The following POLQ variants were observed in gnomAD, a reference collection of about 807,000 sequenced individuals.
POLQ encodes the protein epididymis secretory sperm binding protein.
In POLQ, 233 loss-of-function variants were observed where a neutral mutation model predicts 259.2. The ratio of observed to expected loss-of-function variants is 0.90; its 90% confidence interval spans 0.81 to 1.00. POLQ has a LOEUF of 1.00. POLQ is among the 50% of genes least tolerant of loss of function. The pLI, the probability that POLQ is intolerant of heterozygous loss-of-function variation, is 0.00. For synonymous variants in POLQ, 1,025 were observed against 1,048.8 expected, an observed-to-expected ratio of 0.98 and a Z score of 0.44; for missense variants, 2,871 against 3,051.6, an observed-to-expected ratio of 0.94 and a Z score of 1.39.
chr3:121,470,089 G>C (rs1560092097), intron 22 of POLQ, among the ~76,000 whole-genome samples: 2 of 152,062 alleles, frequency 1.3e-5, no homozygotes. Flanking sequence ...TGGATCACGA[G>C]GTCAAGAGAT....
At chr3:121,468,758 T>C (rs576029567) in intron 22 of POLQ, among the ~76,000 whole-genome samples, 18 of 152,274 alleles carry the variant, frequency 1.2e-4, no homozygotes, top group Middle Eastern at 3.4e-3. Flanking sequence ...ATGTTAGCGG[T>C]CATATTAATG....
intron 3 of POLQ, among the ~76,000 whole-genome samples, chr3:121,540,730 T>G (rs2048483668): frequency 6.6e-6 from 1 of 152,182 alleles, no homozygotes; most frequent in Admixed American, 6.6e-5. Flanking sequence ...TAAATGCTGA[T>G]TCTTAATGTG....
chr3:121,527,420 C>G (rs1399257414), intron 7 of POLQ, among the ~76,000 whole-genome samples: 4 of 152,138 alleles, frequency 2.6e-5, no homozygotes, highest in Non-Finnish European at 4.4e-5. Flanking sequence ...TGGTCTCGAA[C>G]TCCTGGACAC....
At chr3:121,457,016 G>T (rs1306665025) in intron 25 of POLQ, among the ~76,000 whole-genome samples, 4 of 152,268 alleles carry the variant, frequency 2.6e-5, no homozygotes, top group South Asian at 4.2e-4. Flanking sequence ...AAACAGCATG[G>T]TACTGGTACC....
At chr3:121,453,006 A>C (rs7645544) in intron 25 of POLQ, among the ~76,000 whole-genome samples, 95,949 of 151,992 alleles carry the variant, frequency 0.63, 30,665 homozygotes, top group East Asian at 0.89. Flanking sequence ...GGGCAGACTG[A>C]CACCTCACAC....
intron 21 of POLQ, 135 bp downstream of exon 21, chr3:121,473,215 C>G: frequency 1.2e-6 from 1 of 816,188 alleles, no homozygotes; most frequent in South Asian, 2.2e-5. Context: ...AAACCACAAA[C>G]CAATGTGTTA....
At chr3:121,528,930 C>T (rs7639071) in intron 7 of POLQ, among the ~76,000 whole-genome samples, 10 of 151,994 alleles carry the variant, frequency 6.6e-5, no homozygotes, top group South Asian at 2.1e-4. Context: ...CCAGCCTAAG[C>T]GACCGTGCGA....
intron 25 of POLQ, among the ~76,000 whole-genome samples, chr3:121,455,048 C>A (rs1216227460): frequency 6.6e-6 from 1 of 151,946 alleles, no homozygotes; most frequent in Non-Finnish European, 1.5e-5. Context: ...GACCACAGTG[C>A]AATCAAACTA....
chr3:121,488,699 G>A lies in POLQ; in HGVS notation c.4232C>T (p.Thr1411Ile). The change falls in exon 16 of 30, where the codon ACT becomes ATT. Residue 1411 changes from threonine to isoleucine, a missense_variant. Thr to Ile is a moderately conservative substitution (Grantham distance 89). Coordinates refer to ENST00000264233, the MANE Select transcript of POLQ (RefSeq NM_199420.4). ...AGAATGGAAAATCGGGCTTTCTGGAGTCAGGATATCAACCCCATGTGAATC... is the reference window on the plus strand; with the variant it reads ...AGAATGGAAAATCGGGCTTTCTGGAATCAGGATATCAACCCCATGTGAATC... ...SSDSHGVDIL[T>I]PESPIFHSPI... is the part of the protein sequence containing the mutation. 1 of 1,613,466 alleles carries A rather than the reference G, an allele frequency of 6.2e-7. No homozygotes were observed. Among genetic ancestry groups the A allele is most frequent in the African/African-American group, 1.3e-5 (1 of 75,020 alleles).
intron 16 of POLQ, among the ~76,000 whole-genome samples, chr3:121,485,437 G>T (rs1047516325): frequency 6.6e-6 from 1 of 152,258 alleles, no homozygotes; most frequent in Middle Eastern, 3.4e-3. Context: ...TCAAGAAAGG[G>T]AGGCTGCATT....
At chr3:121,473,727 CTTTTTTTTT>C (rs10636473) in intron 20 of POLQ, among the ~76,000 whole-genome samples, 2 of 114,256 alleles carry the variant, frequency 1.8e-5, no homozygotes, top group African/African-American at 6.5e-5. Flanking sequence ...AACACAAGGC[CTTTTTTTTT>C]TTTTTTTTTT....
chr3:121,485,793 T>G (rs974788311), intron 16 of POLQ, among the ~76,000 whole-genome samples: 2 of 152,220 alleles, frequency 1.3e-5, no homozygotes, highest in Non-Finnish European at 2.9e-5. Context: ...CTCAATTTTG[T>G]TTGTTACATC....
rs544634160 is a variant in POLQ at position 121,493,618 on chromosome 3, A to G, written c.2382T>C (p.Cys794=). The G allele has an allele frequency of 6.2e-7, 1 of 1,614,082 alleles. No individual in the cohort carries two copies. The highest frequency in any genetic ancestry group is 1.3e-5 in the African/African-American group (1 of 75,038). The change falls in exon 15 of 30, where the codon TGT becomes TGC. Residue 794 remains cysteine (C), a synonymous_variant. Coordinates refer to ENST00000264233, the MANE Select transcript of POLQ (RefSeq NM_199420.4). ...TTAGTAAGGATACCCGAACCAGGTC[A>G]CACAGCTCCCTCTGGATGCCAAACG... ...RLTFGIQREL[C]DLVRVSLLNA... is the part of the protein sequence containing the mutation.
chr3:121,538,616 C>T (rs1049471609), intron 4 of POLQ, among the ~76,000 whole-genome samples: 4 of 151,708 alleles, frequency 2.6e-5, no homozygotes, highest in Non-Finnish European at 4.4e-5. Context: ...ATTCTGCCTG[C>T]CGTGTGCCAA....
chr3:121,541,949 AC>A (rs1212195658), intron 2 of POLQ, among the ~76,000 whole-genome samples: 2 of 151,374 alleles, frequency 1.3e-5, no homozygotes, highest in African/African-American at 4.9e-5. Flanking sequence ...ACATGGTAAA[AC>A]CCCATCTCTA....
intron 15 of POLQ, among the ~76,000 whole-genome samples, chr3:121,492,122 T>C (rs2048073702): frequency 7.0e-6 from 1 of 143,778 alleles, no homozygotes; most frequent in Admixed American, 6.9e-5. Context: ...CTATACCCCA[T>C]CCCTTCCCAC....
intron 28 of POLQ, among the ~76,000 whole-genome samples, chr3:121,434,066 C>A (rs558622767): frequency 6.6e-6 from 1 of 152,346 alleles, no homozygotes; most frequent in East Asian, 1.9e-4. Context: ...CCCATGAAGC[C>A]ACACTTGGCT....
intron 14 of POLQ, among the ~76,000 whole-genome samples, chr3:121,495,662 G>A (rs530510214): frequency 7.2e-6 from 1 of 139,536 alleles, no homozygotes; most frequent in Non-Finnish European, 1.5e-5. Context: ...GGCTAACACA[G>A]TGGAACCCCA....
At chr3:121,465,092 T>TC (rs1473659530) in intron 24 of POLQ, among the ~76,000 whole-genome samples, 1 of 143,004 alleles carries the variant, frequency 7.0e-6, no homozygotes, top group Non-Finnish European at 1.5e-5. Flanking sequence ...TCTTTTTTCT[T>TC]TTTTTTTTTT....
Sources: allele counts gnomAD v4.1 joint callset (sites outside exome capture counted in the v4.1 genomes callset), GRCh38; gene constraint gnomAD v4.1.1; transcripts MANE v1.5; gene names NCBI Gene and HGNC (gene_info 2026-07-23, HGNC 2026-07-21).